Variants in IQSEC3 observed in about 807,000 individuals in gnomAD.
IQSEC3 encodes IQ motif and Sec7 domain ArfGEF 3.
Under a neutral mutation model 105.4 loss-of-function variants are expected in IQSEC3, and 50 were observed. The ratio of observed to expected loss-of-function variants is 0.47; its 90% CI spans 0.38 to 0.60. The LOEUF (loss-of-function observed/expected upper bound fraction) is 0.60, where lower values mean the gene tolerates loss of function less well. Ranked by LOEUF, IQSEC3 falls within the 20% of genes least tolerant of loss-of-function variation. The pLI is 0.00. For synonymous variants in IQSEC3, 708 were observed against 746.0 expected (o/e 0.95, Z 0.83); for missense variants, 1,415 against 1,630.0 (o/e 0.87, Z 2.27).
At chr12:112,149 A>G (rs569726311) in intron 2 of IQSEC3, among the ~76,000 whole-genome samples, 8 of 152,298 alleles carry the variant, frequency 5.3e-5, no homozygotes, top group African/African-American at 1.9e-4. Context: ...TAGCTAGCTC[A>G]GGGGCTCATA....
rs575815751 is a variant in IQSEC3, at chr12:146,788, A to G, written c.2153+5503A>G. On this transcript the variant is annotated intron_variant, in intron 5 of 13. Coordinates refer to ENST00000538872, the MANE Select transcript of IQSEC3 (RefSeq NM_001170738.2). ...CAGTGCAGGCAGGCAGGAATAGAAGAGTTAGGGTCATTTCCACTGCTTTGG... is the reference window on the plus strand; with the variant it reads ...CAGTGCAGGCAGGCAGGAATAGAAGGGTTAGGGTCATTTCCACTGCTTTGG... Among the ~76,000 whole-genome samples the G allele has an allele frequency of 7.2e-5, 11 of 152,282 alleles. No individual in the cohort carries two copies. The East Asian group carries it at 2.1e-3, about 29-fold the overall frequency.
Position 174,707 on chromosome 12 carries a change from C to T in IQSEC3, c.3223C>T (p.Gln1075Ter). The stretch of plus-strand genomic sequence containing the variant: ...CCTGCAGCCTAGCCCCCCGAGACAG[C>T]AGACCCCACCACTGCCGCCGCCGCC... ...PDLQPSPPRQ[Q>*]TPPLPPPPPT... is the part of the protein sequence containing the mutation. Residue 1075 changes from glutamine to a stop codon, truncating the protein, a stop_gained, in exon 14 of 14, where the codon CAG (glutamine) becomes TAG (stop). Transcript: ENST00000538872. LOFTEE classifies it high-confidence loss of function. The T allele has an allele frequency of 6.3e-7, 1 of 1,593,610 alleles. No homozygotes were observed. Among genetic ancestry groups the T allele is most frequent in the Non-Finnish European group, 8.5e-7 (1 of 1,178,130 alleles).
At chr12:113,033 G>A (rs1275018710) in intron 2 of IQSEC3, among the ~76,000 whole-genome samples, 2 of 151,958 alleles carry the variant, frequency 1.3e-5, no homozygotes, top group South Asian at 2.1e-4. Flanking sequence ...TTCTCCATTC[G>A]TCTTGGGCAG....
chr12:157,042 T>TA lies in IQSEC3; in HGVS notation c.2171_2172insA (p.Met724IlefsTer33). On this transcript the variant is annotated frameshift_variant, in exon 6 of 14. Coordinates refer to ENST00000538872, the MANE Select transcript of IQSEC3 (RefSeq NM_001170738.2). LOFTEE classifies it high-confidence loss of function. ...GCCCTCAGCTGCGTGGTGGACGAGA[T>TA]GGACTTCTCCAGCATGGAGCTGGAC... The TA allele has an allele frequency of 6.2e-7, 1 of 1,605,288 alleles. No individual in the cohort carries two copies. Among genetic ancestry groups the TA allele is most frequent in the Non-Finnish European group, 8.5e-7 (1 of 1,175,480 alleles).
chr12:162,246 T>C (rs11061688), intron 8 of IQSEC3, among the ~76,000 whole-genome samples, 181 bp downstream of exon 8: 5,785 of 151,894 alleles, frequency 0.038, 168 homozygotes, highest in Non-Finnish European at 0.056. Flanking sequence ...CCTGATTTCC[T>C]CATTGCCTCT....
chr12:163,963 G>A (rs536903216), intron 9 of IQSEC3, among the ~76,000 whole-genome samples: 82 of 152,332 alleles, frequency 5.4e-4, no homozygotes, highest in South Asian at 2.7e-3. Flanking sequence ...TCAGACCCCA[G>A]GGCCTGGGAG....
intron 1 of IQSEC3, among the ~76,000 whole-genome samples, chr12:80,704 A>C (rs191289572): frequency 1.3e-5 from 2 of 152,324 alleles, no homozygotes; most frequent in Non-Finnish European, 2.9e-5. Flanking sequence ...CAAGATCACT[A>C]ATGAAAACTT....
chr12:170,581 C>A (rs985322788), intron 12 of IQSEC3, among the ~76,000 whole-genome samples: 2 of 152,342 alleles, frequency 1.3e-5, no homozygotes, highest in Admixed American at 1.3e-4. Flanking sequence ...CCGTGGGGGT[C>A]CGCAGGGCCC....
intron 3 of IQSEC3, among the ~76,000 whole-genome samples, chr12:134,109 A>T (rs1865681562): frequency 6.6e-6 from 1 of 152,228 alleles, no homozygotes; most frequent in Non-Finnish European, 1.5e-5. Context: ...TGAACACACA[A>T]AGGAGGCAGG....
At chr12:108,733 C>A (rs554970538) in intron 2 of IQSEC3, among the ~76,000 whole-genome samples, 1 of 152,234 alleles carries the variant, frequency 6.6e-6, no homozygotes, top group African/African-American at 2.4e-5. Context: ...TGTCTTTAGC[C>A]GGGCTCTGCC....
intron 3 of IQSEC3, among the ~76,000 whole-genome samples, chr12:130,808 G>T (rs1865562842): frequency 6.6e-6 from 1 of 152,222 alleles, no homozygotes; most frequent in African/African-American, 2.4e-5. Context: ...CAAGGCTCCT[G>T]TGGGCCTCTC....
chr12:110,822 A>G (rs2011738), intron 2 of IQSEC3, among the ~76,000 whole-genome samples: 62,896 of 151,890 alleles, frequency 0.41, 13,927 homozygotes, highest in East Asian at 0.83. Context: ...ACACTCACAA[A>G]CCCAACAAAC....
intron 1 of IQSEC3, among the ~76,000 whole-genome samples, chr12:73,319 G>A (rs531112432): frequency 5.2e-4 from 79 of 152,350 alleles, no homozygotes; most frequent in African/African-American, 1.7e-3. Flanking sequence ...ATAAAATGGG[G>A]AAAATATCTA....
intron 1 of IQSEC3, among the ~76,000 whole-genome samples, chr12:92,633 G>A (rs914149490): frequency 5.3e-5 from 8 of 152,288 alleles, no homozygotes; most frequent in South Asian, 2.1e-4. Context: ...TCCGGGTCCC[G>A]GGCCCCCTCC....
intron 1 of IQSEC3, among the ~76,000 whole-genome samples, chr12:91,840 C>T (rs1242791668): frequency 6.6e-6 from 1 of 152,212 alleles, no homozygotes; most frequent in African/African-American, 2.4e-5. Flanking sequence ...CCCCCAGCTT[C>T]CCCTCTTCCT....
At chr12:117,419 C>A (rs1865082823) in intron 2 of IQSEC3, among the ~76,000 whole-genome samples, 2 of 152,226 alleles carry the variant, frequency 1.3e-5, no homozygotes, top group Admixed American at 1.3e-4. Flanking sequence ...AGATGGCACT[C>A]GCCAGTATGG....
intron 2 of IQSEC3, among the ~76,000 whole-genome samples, 192 bp downstream of exon 2, chr12:99,406 A>T (rs1001436837): frequency 6.6e-6 from 1 of 152,070 alleles, no homozygotes; most frequent in African/African-American, 2.4e-5. Flanking sequence ...GCCGTTCCCA[A>T]CTTTTAAGGT....
At chr12:87,274 A>G (rs1489873309) in intron 1 of IQSEC3, among the ~76,000 whole-genome samples, 2 of 152,118 alleles carry the variant, frequency 1.3e-5, no homozygotes, top group African/African-American at 4.8e-5. Flanking sequence ...ACGCCTCTCC[A>G]TGGAGTCATT....
intron 2 of IQSEC3, among the ~76,000 whole-genome samples, chr12:117,459 T>C (rs1565407880): frequency 6.6e-6 from 1 of 152,190 alleles, no homozygotes; most frequent in Non-Finnish European, 1.5e-5. Flanking sequence ...AGGGAGGCGG[T>C]GCCTGAGGAG....
Sources: gnomAD v4.1 joint callset for allele counts (sites outside exome capture counted in the v4.1 genomes callset) on GRCh38, gnomAD v4.1.1 for gene constraint, MANE v1.5 for transcripts, NCBI Gene and HGNC (gene_info 2026-07-23, HGNC 2026-07-21) for gene names.